Variants in MLYCD observed in about 807,000 individuals in gnomAD.
MLYCD encodes the protein malonyl-CoA decarboxylase.
Under a neutral mutation model 35.8 loss-of-function variants are expected in MLYCD, and 27 were observed. The ratio of observed to expected loss-of-function variants is 0.75; its 90% CI spans 0.56 to 1.04. The LOEUF is 1.04. Ranked by LOEUF, MLYCD falls within the 50% of genes least tolerant of loss-of-function variation. MLYCD has a pLI of 0.00. For missense variants in MLYCD, 917 were observed against 665.1 expected (o/e 1.38, Z -4.17); for synonymous variants, 403 against 302.4 (o/e 1.33, Z -3.45).
At chr16:83,906,039 C>G (rs1178525710) in intron 1 of MLYCD, among the ~76,000 whole-genome samples, 1 of 152,112 alleles carries the variant, frequency 6.6e-6, no homozygotes, top group Admixed American at 6.5e-5. Context: ...CTCTGAAATG[C>G]ATTGGTTGCC....
chr16:83,899,959 C>T lies in MLYCD; in HGVS notation c.528+287C>T, dbSNP rs959857755. ...GGTCTTTAAGGTAGCTGTCACCTCT[C>T]GTACCTGATTAGTGTGTGCTCTACA... is the stretch of plus-strand genomic sequence containing the variant. On this transcript the variant is annotated intron_variant, in intron 1 of 4. Transcript: ENST00000262430. Among the ~76,000 whole-genome samples, 8 of 152,346 alleles carry T rather than the reference C, an allele frequency of 5.3e-5. 1 individual carries two copies. The highest frequency in any genetic ancestry group is 4.1e-4 in the South Asian group (2 of 4,832).
At chr16:83,909,914 C>T (rs114752232) in intron 3 of MLYCD, among the ~76,000 whole-genome samples, 1,858 of 151,878 alleles carry the variant, frequency 0.012, 38 homozygotes, top group African/African-American at 0.043. Context: ...ACTATAAAGG[C>T]GTGAGCCACC....
At chr16:83,899,798 C>T (rs1378086878) in intron 1 of MLYCD, 126 bp downstream of exon 1, 7 of 1,189,884 alleles carry the variant, frequency 5.9e-6, no homozygotes, top group Non-Finnish European at 7.9e-6. Context: ...ACTTCGCCCG[C>T]AGTTACCGCC....
In MLYCD at chr16:83,899,619, G is replaced by A. The variant is rs1486183124; in HGVS notation, c.475G>A (p.Ala159Thr). 6.4e-7 allele frequency: 1 copy of A among 1,572,382 alleles called. No homozygotes were observed. Among genetic ancestry groups the A allele is most frequent in the South Asian group, 1.1e-5 (1 of 87,712 alleles). The change falls in exon 1 of 5, where the codon GCC becomes ACC. Residue 159 changes from alanine to threonine, a missense_variant. Physicochemically the swap from Ala to Thr is moderately conservative, Grantham distance 58. Transcript: ENST00000262430. ...CGTGCGCTTCCTGGTGCAGCTGCGG[G>A]CCGACCTGCTGGAGGCGCAGGCCCT... Reference protein sequence around the residue: ...GGVRFLVQLRADLLEAQALKL... With the variant: ...GGVRFLVQLRTDLLEAQALKL...
At chr16:83,906,125 G>A (rs1048503954) in intron 1 of MLYCD, among the ~76,000 whole-genome samples, 1 of 152,170 alleles carries the variant, frequency 6.6e-6, no homozygotes, top group African/African-American at 2.4e-5. Flanking sequence ...AGTGGCTGAC[G>A]CCTGTAATCC....
At chr16:83,904,664 T>C (rs1236255350) in intron 1 of MLYCD, among the ~76,000 whole-genome samples, 1 of 152,210 alleles carries the variant, frequency 6.6e-6, no homozygotes, top group Non-Finnish European at 1.5e-5. Context: ...GATTGAGTCA[T>C]GGAATGTAGA....
In MLYCD at chr16:83,926,247, T is replaced by G. The variant is rs531627482; in HGVS notation, c.*10758T>G. On this transcript the variant is annotated 3_prime_UTR_variant, in exon 5 of 5. Coordinates refer to ENST00000262430, the MANE Select transcript of MLYCD (RefSeq NM_012213.3). ...CCAGAGCCCACGAGATCTCACTTTC[T>G]CCAAGCCCAGCTCCCCAAGGACTCA... The G allele has an allele frequency of 2.6e-5, 4 of 152,468 alleles. No homozygotes were observed. The highest frequency in any genetic ancestry group is 7.2e-5 in the African/African-American group (3 of 41,562). The allele number at this position is 152,468 out of a possible 1,614,324, so 9.4% of individuals were successfully genotyped here. A position where few individuals can be genotyped will look rare whatever the true frequency, so the allele number is the denominator to read the frequency against.
rs1021221751 is a variant in MLYCD at position 83,921,378 on chromosome 16, G to T, written c.*5889G>T. On this transcript the variant is annotated 3_prime_UTR_variant, in exon 5 of 5. Transcript: ENST00000262430. The stretch of plus-strand genomic sequence containing the variant: ...GGAAAGGAGGATGGATGGATGGATG[G>T]ATGGATAGATGGATGGAGGAGGGTG... 2 of 142,160 alleles carry T rather than the reference G, an allele frequency of 1.4e-5. No homozygotes were observed. The highest frequency in any genetic ancestry group is 2.6e-5 in the African/African-American group (1 of 38,190). The allele number at this position is 142,160 out of a possible 1,614,324, so 8.8% of individuals were successfully genotyped here. A position where few individuals can be genotyped will look rare whatever the true frequency, so the allele number is the denominator to read the frequency against.
Position 83,926,010 on chromosome 16 carries a change from C to G in MLYCD, c.*10521C>G, listed in dbSNP as rs996718041. 2.0e-5 allele frequency: 3 copies of G among 152,378 alleles called. No homozygotes were observed. Among genetic ancestry groups the G allele is most frequent in the Admixed American group, 6.5e-5 (1 of 15,290 alleles). The allele number at this position is 152,378 out of a possible 1,614,324, so 9.4% of individuals were successfully genotyped here. On this transcript the variant is annotated 3_prime_UTR_variant, in exon 5 of 5. Coordinates refer to ENST00000262430, the MANE Select transcript of MLYCD (RefSeq NM_012213.3). Reference sequence around the variant, plus strand: ...TTCTGGCCCGAGGTGGCTGCAGGGTCTGCAAGATCATCAGGGCCCCCTCCA... The same window carrying G: ...TTCTGGCCCGAGGTGGCTGCAGGGTGTGCAAGATCATCAGGGCCCCCTCCA...
Position 83,925,452 on chromosome 16 carries a change from A to G in MLYCD, c.*9963A>G, listed in dbSNP as rs1907776711. 1 of 152,248 alleles carries G rather than the reference A, an allele frequency of 6.6e-6. No homozygotes were observed. The highest frequency in any genetic ancestry group is 6.5e-5 in the Admixed American group (1 of 15,278). 9.4% of individuals were successfully genotyped at this position (152,248 alleles called of 1,614,324 possible). On this transcript the variant is annotated 3_prime_UTR_variant, in exon 5 of 5. Coordinates refer to ENST00000262430, the MANE Select transcript of MLYCD (RefSeq NM_012213.3). ...AGTCTCCTTCCTGATTATGTGCATT[A>G]ACTAACCTCGCAGGTGCTCTGCCCA...
rs987596817 is a variant in MLYCD, at chr16:83,919,078, A to G, written c.*3589A>G. ...CAGTGCACCGGAGAACACAGTGCAC[A>G]GGAGAACACGCACACACAGTGCACA... On this transcript the variant is annotated 3_prime_UTR_variant, in exon 5 of 5. Transcript: ENST00000262430. 1 of 151,994 alleles carries G rather than the reference A, an allele frequency of 6.6e-6. No homozygotes were observed. The highest frequency in any genetic ancestry group is 1.5e-5 in the Non-Finnish European group (1 of 68,266). 9.4% of individuals were successfully genotyped at this position (151,994 alleles called of 1,614,324 possible). A position where few individuals can be genotyped will look rare whatever the true frequency, so the allele number is the denominator to read the frequency against.
At chr16:83,914,880 T>C in intron 4 of MLYCD, 76 bp from the exon 5 acceptor site, 3 of 1,592,122 alleles carry the variant, frequency 1.9e-6, no homozygotes, top group Non-Finnish European at 1.7e-6. Context: ...GGTTAAGAGG[T>C]GCTCCTCTGT....
In MLYCD at chr16:83,926,763, G is replaced by T. The variant is rs1034656811; in HGVS notation, c.*11274G>T. 3 of 152,370 alleles carry T rather than the reference G, an allele frequency of 2.0e-5. No individual in the cohort carries two copies. Among genetic ancestry groups the T allele is most frequent in the Admixed American group, 1.3e-4 (2 of 15,302 alleles). The allele number at this position is 152,370 out of a possible 1,614,324, so 9.4% of individuals were successfully genotyped here. A position where few individuals can be genotyped will look rare whatever the true frequency, so the allele number is the denominator to read the frequency against. On this transcript the variant is annotated 3_prime_UTR_variant, in exon 5 of 5. Transcript: ENST00000262430. ...GGACAGCGCAGGGACGCACTTTGAT[G>T]CTGAAAATGAGTCTCTGGGACAGAT...
rs901431395 is a variant in MLYCD, at chr16:83,920,184, G to T, written c.*4695G>T. The T allele has an allele frequency of 1.3e-5, 2 of 152,142 alleles. No homozygotes were observed. The highest frequency in any genetic ancestry group is 1.3e-4 in the Admixed American group (2 of 15,268). The allele number at this position is 152,142 out of a possible 1,614,324, so 9.4% of individuals were successfully genotyped here. ...CACACCCTGTGCACAGTTTTGTTTTGTTTTGCTTTTGCAATTCCAGGGAGC... is the reference window on the plus strand; with the variant it reads ...CACACCCTGTGCACAGTTTTGTTTTTTTTTGCTTTTGCAATTCCAGGGAGC... On this transcript the variant is annotated 3_prime_UTR_variant, in exon 5 of 5. Transcript: ENST00000262430.
intron 3 of MLYCD, among the ~76,000 whole-genome samples, chr16:83,909,090 C>T (rs1346367545): frequency 2.6e-5 from 4 of 152,102 alleles, no homozygotes; most frequent in Non-Finnish European, 5.9e-5. Flanking sequence ...AACACATTCC[C>T]TTACAATGTT....
At position 83,899,116 on chromosome 16, in the gene MLYCD, C is replaced by T; in HGVS notation, c.-29C>T. 1 of 1,099,174 alleles carries T rather than the reference C, an allele frequency of 9.1e-7. No individual in the cohort carries two copies. 68.1% of individuals were successfully genotyped at this position (1,099,174 alleles called of 1,614,324 possible). A position where few individuals can be genotyped will look rare whatever the true frequency, so the allele number is the denominator to read the frequency against. On this transcript the variant is annotated 5_prime_UTR_variant, in exon 1 of 5. Coordinates refer to ENST00000262430, the MANE Select transcript of MLYCD (RefSeq NM_012213.3). The stretch of plus-strand genomic sequence containing the variant: ...CGGAAGCGCGGCAGCGGCGGCGGCG[C>T]TCCCCCTCGGCAGCTGTTGTGGGGC...
At chr16:83,914,760 T>C in intron 4 of MLYCD, 196 bp from the exon 5 acceptor site, 2 of 744,412 alleles carry the variant, frequency 2.7e-6, no homozygotes, top group Admixed American at 2.4e-5. Context: ...GCTAGGGCAA[T>C]AGAGCAAGAC....
chr16:83,900,457 C>G (rs1446561316), intron 1 of MLYCD, among the ~76,000 whole-genome samples: 1 of 151,832 alleles, frequency 6.6e-6, no homozygotes, highest in African/African-American at 2.4e-5. Flanking sequence ...TTTTGTTGCC[C>G]AGACTGGAGT....
chr16:83,912,301 C>A lies in MLYCD; in HGVS notation c.882C>A (p.Thr294=). The change falls in exon 4 of 5, where the codon ACC becomes ACA. Residue 294 remains threonine, a synonymous_variant. Transcript: ENST00000262430. ...CGATCTTTTATTCCATCAGCTTGACCCAGCAGGGACTCCAAGGGGTGGAGC... is the reference window on the plus strand; with the variant it reads ...CGATCTTTTATTCCATCAGCTTGACACAGCAGGGACTCCAAGGGGTGGAGC... ...TAAIFYSISL[T]QQGLQGVELG... 1 of 1,614,166 alleles carries A rather than the reference C, an allele frequency of 6.2e-7. No individual in the cohort carries two copies. Among genetic ancestry groups the A allele is most frequent in the Non-Finnish European group, 8.5e-7 (1 of 1,180,028 alleles).
Sources: allele counts gnomAD v4.1 joint callset (sites outside exome capture counted in the v4.1 genomes callset), GRCh38; gene constraint gnomAD v4.1.1; transcripts MANE v1.5; gene names NCBI Gene and HGNC (gene_info 2026-07-23, HGNC 2026-07-21).